AFF2: variants seen among roughly 807,000 people sequenced by gnomAD.
AFF2 encodes the protein AF4/FMR2 family member 2.
A neutral mutation model predicts 76.9 loss-of-function variants in AFF2; 14 were observed. The ratio of observed to expected loss-of-function variants is 0.18; its 90% confidence interval spans 0.12 to 0.28. The LOEUF (loss-of-function observed/expected upper bound fraction) is 0.28, where lower values mean the gene tolerates loss of function less well. Ranked by LOEUF, AFF2 falls within the 10% of genes least tolerant of loss-of-function variation. The pLI, the probability that AFF2 is intolerant of heterozygous loss-of-function variation, is 1.00. For missense variants in AFF2, 868 were observed against 1,001.1 expected (o/e 0.87, Z 1.79); for synonymous variants, 398 against 366.7 (o/e 1.09, Z -0.98).
chrX:148,555,168 G>T (rs1313101518), intron 1 of AFF2, among the ~76,000 whole-genome samples: 20 of 111,748 alleles, frequency 1.8e-4, no homozygotes, highest in Admixed American at 1.5e-3. Flanking sequence ...CAGTCTCCTG[G>T]CCCCTGACAC....
At chrX:148,784,180 C>A (rs1557269306) in intron 3 of AFF2, among the ~76,000 whole-genome samples, 2 of 112,022 alleles carry the variant, frequency 1.8e-5, no homozygotes, top group Non-Finnish European at 3.8e-5. Context: ...GAAGGTGTGC[C>A]AGCCATTGCT....
chrX:148,832,917 G>A (rs1377791555), intron 4 of AFF2, among the ~76,000 whole-genome samples: 2 of 111,946 alleles, frequency 1.8e-5, no homozygotes, highest in African/African-American at 3.2e-5. Flanking sequence ...CAACAACAAT[G>A]AAATATGTGA....
At chrX:148,731,661 C>T (rs901833788) in intron 3 of AFF2, among the ~76,000 whole-genome samples, 17 of 107,733 alleles carry the variant, frequency 1.6e-4, no homozygotes, top group Non-Finnish European at 2.9e-4. Flanking sequence ...AGAAAATTTT[C>T]GCCACCTACT....
intron 1 of AFF2, among the ~76,000 whole-genome samples, chrX:148,565,284 C>T: frequency 9.0e-6 from 1 of 111,364 alleles, no homozygotes; most frequent in East Asian, 2.8e-4. Context: ...TCTGTTTCCC[C>T]TGTATTTTAT....
At chrX:148,585,455 C>G (rs1407993424) in intron 1 of AFF2, among the ~76,000 whole-genome samples, 12 of 111,998 alleles carry the variant, frequency 1.1e-4, no homozygotes, top group African/African-American at 3.9e-4. Context: ...CAACTTTTAG[C>G]ACAGTGCTTG....
chrX:148,534,125 C>A (rs2124250424), intron 1 of AFF2, among the ~76,000 whole-genome samples: 1 of 112,151 alleles, frequency 8.9e-6, no homozygotes, highest in Non-Finnish European at 1.9e-5. Context: ...CACTTAGAAC[C>A]AAATGATTCA....
In AFF2 at chrX:148,993,581, T is replaced by C. The variant is rs1337007401; in HGVS notation, c.*2249T>C. 1.8e-5 allele frequency: 2 copies of C among 112,184 alleles called. No homozygotes were observed. Among genetic ancestry groups the C allele is most frequent in the African/African-American group, 6.5e-5 (2 of 30,824 alleles). 9.2% of individuals were successfully genotyped at this position (112,184 alleles called of 1,213,427 possible). On this transcript the variant is annotated 3_prime_UTR_variant, in exon 21 of 21. Coordinates refer to ENST00000370460, the MANE Select transcript of AFF2 (RefSeq NM_002025.4). ...ATCCAGAAACTAGACATTAGAATGT[T>C]GAGGCAGTTTCCCAGAGAAACAAGC...
intron 1 of AFF2, among the ~76,000 whole-genome samples, chrX:148,554,047 C>T (rs1219701690): frequency 8.9e-6 from 1 of 111,884 alleles, no homozygotes; most frequent in Non-Finnish European, 1.9e-5. Flanking sequence ...TGTCAGATGG[C>T]CAGCTCTACT....
At chrX:148,706,774 T>A (rs1468577458) in intron 3 of AFF2, among the ~76,000 whole-genome samples, 1 of 112,669 alleles carries the variant, frequency 8.9e-6, no homozygotes, top group Non-Finnish European at 1.9e-5. Context: ...GCAACTCACA[T>A]TTGAGTGTAG....
chrX:148,664,074 C>G (rs2054334519), intron 3 of AFF2, among the ~76,000 whole-genome samples: 1 of 111,624 alleles, frequency 9.0e-6, no homozygotes, highest in South Asian at 3.8e-4. Context: ...CTTCAGTGGA[C>G]TGCTGTGAGA....
At chrX:148,768,294 T>G (rs1249701299) in intron 3 of AFF2, among the ~76,000 whole-genome samples, 1 of 109,601 alleles carries the variant, frequency 9.1e-6, no homozygotes, top group Non-Finnish European at 1.9e-5. Context: ...CACGCTGTAA[T>G]ATAGTGATCT....
chrX:148,842,450 G>C, intron 5 of AFF2, among the ~76,000 whole-genome samples: 1 of 112,547 alleles, frequency 8.9e-6, no homozygotes, highest in Non-Finnish European at 1.9e-5. Flanking sequence ...TATATAAAAT[G>C]AGGTACATCT....
At position 148,686,160 on chromosome X, in the gene AFF2, T is replaced by C. The variant is rs782006204; in HGVS notation, c.1041+23392T>C. 3.6e-5 allele frequency among the ~76,000 whole-genome samples: 4 copies of C among 112,231 alleles called. No individual in the cohort carries two copies. In the South Asian group the frequency reaches 1.5e-3, roughly 42 times the overall value. On this transcript the variant is annotated intron_variant, in intron 3 of 20. Transcript: ENST00000370460. ...GCCTAAGTGAATCTGTGAGAACTAA[T>C]AAACATGATAACAAAATGTTGCATC... is the stretch of plus-strand genomic sequence containing the variant.
At chrX:148,532,885 A>G (rs907533482) in intron 1 of AFF2, among the ~76,000 whole-genome samples, 5 of 112,053 alleles carry the variant, frequency 4.5e-5, no homozygotes, top group Non-Finnish European at 7.5e-5. Context: ...TGTATTTAAC[A>G]GTCGGTCAAA....
In AFF2 at chrX:148,993,586, C is replaced by A. The variant is rs2072558208; in HGVS notation, c.*2254C>A. 3.6e-5 allele frequency: 4 copies of A among 112,083 alleles called. No individual in the cohort carries two copies. In the Admixed American group the frequency reaches 3.8e-4, roughly 11 times the overall value. 9.2% of individuals were successfully genotyped at this position (112,083 alleles called of 1,213,427 possible). On this transcript the variant is annotated 3_prime_UTR_variant, in exon 21 of 21. Coordinates refer to ENST00000370460, the MANE Select transcript of AFF2 (RefSeq NM_002025.4). Reference sequence around the variant, plus strand: ...GAAACTAGACATTAGAATGTTGAGGCAGTTTCCCAGAGAAACAAGCATATT... The same window carrying A: ...GAAACTAGACATTAGAATGTTGAGGAAGTTTCCCAGAGAAACAAGCATATT...
Position 148,714,180 on chromosome X carries a change from TATG to T in AFF2, c.1041+51416_1041+51418del, listed in dbSNP as rs782439665. Among the ~76,000 whole-genome samples, 639 of 112,248 alleles carry T rather than the reference TATG, an allele frequency of 5.7e-3. 3 individuals carry two copies. Among genetic ancestry groups the T allele is most frequent in the Admixed American group, 9.3e-3 (99 of 10,613 alleles). ...ACCTTCTGCAAGAGCATTCCATTTC[TATG>T]ATGCATTTAACTGCAGTTGTTGACA... On this transcript the variant is annotated intron_variant, in intron 3 of 20. Transcript: ENST00000370460.
intron 3 of AFF2, among the ~76,000 whole-genome samples, chrX:148,665,801 C>T (rs534475108): frequency 1.5e-4 from 17 of 111,778 alleles, no homozygotes; most frequent in East Asian, 1.1e-3. Context: ...CACTAGGTTC[C>T]GGGTCTCTAG....
intron 8 of AFF2, among the ~76,000 whole-genome samples, chrX:148,892,725 G>A (rs1487331026): frequency 8.9e-6 from 1 of 112,064 alleles, no homozygotes; most frequent in Admixed American, 9.5e-5. Context: ...AAGTTGGTGT[G>A]CTGTATAGAA....
chrX:148,605,300 C>A (rs2053662565), intron 1 of AFF2, among the ~76,000 whole-genome samples: 1 of 111,832 alleles, frequency 8.9e-6, no homozygotes, highest in Non-Finnish European at 1.9e-5. Flanking sequence ...AGGTTTCTCA[C>A]TGTTGGAAAA....
Sources: allele counts gnomAD v4.1 joint callset (sites outside exome capture counted in the v4.1 genomes callset), GRCh38; gene constraint gnomAD v4.1.1; transcripts MANE v1.5; gene names NCBI Gene and HGNC (gene_info 2026-07-23, HGNC 2026-07-21).